The following GPC5 variants were observed in gnomAD, a reference collection of about 807,000 sequenced individuals.
GPC5 encodes glypican 5.
A neutral mutation model predicts 53.9 loss-of-function variants in GPC5; 47 were observed. The ratio of observed to expected loss-of-function variants is 0.87; its 90% CI spans 0.69 to 1.11. The LOEUF (loss-of-function observed/expected upper bound fraction) is 1.11, where lower values mean the gene tolerates loss of function less well. Among genes scored for constraint, GPC5 ranks in the 50% most tolerant of loss-of-function variants. GPC5 has a pLI of 0.00. For missense variants in GPC5, 748 were observed against 713.1 expected (o/e 1.05, Z -0.56); for synonymous variants, 286 against 263.3 (o/e 1.09, Z -0.84).
intron 7 of GPC5, among the ~76,000 whole-genome samples, chr13:92,413,027 A>T (rs1243691927): frequency 6.6e-6 from 1 of 152,230 alleles, no homozygotes; most frequent in Admixed American, 6.5e-5. Flanking sequence ...TAGAATTCCT[A>T]TGTGCCAAAT....
chr13:92,305,918 G>T (rs1349456792), intron 7 of GPC5, among the ~76,000 whole-genome samples: 1 of 152,298 alleles, frequency 6.6e-6, no homozygotes, highest in East Asian at 1.9e-4. Flanking sequence ...AGGTAACTAG[G>T]ATAGTAGATT....
At chr13:92,113,616 A>C (rs1342855850) in intron 6 of GPC5, among the ~76,000 whole-genome samples, 1 of 152,146 alleles carries the variant, frequency 6.6e-6, no homozygotes, top group Non-Finnish European at 1.5e-5. Flanking sequence ...AATTATTTTA[A>C]TGTGAAATGT....
At chr13:92,521,361 A>C (rs1342292105) in intron 7 of GPC5, among the ~76,000 whole-genome samples, 1 of 152,208 alleles carries the variant, frequency 6.6e-6, no homozygotes, top group Non-Finnish European at 1.5e-5. Flanking sequence ...GCATCATGCT[A>C]CCTGACTTCA....
intron 6 of GPC5, among the ~76,000 whole-genome samples, chr13:92,007,249 T>G (rs1170068805): frequency 1.3e-5 from 2 of 152,318 alleles, no homozygotes; most frequent in African/African-American, 4.8e-5. Context: ...AATAATCATT[T>G]GACATTGCAC....
At chr13:92,166,952 TCTCTCA>T (rs1173770484) in intron 7 of GPC5, among the ~76,000 whole-genome samples, 12,037 of 61,390 alleles carry the variant, frequency 0.2, 376 homozygotes, top group Middle Eastern at 0.26. Flanking sequence ...TCTCTCTCTC[TCTCTCA>T]CACACACACA....
chr13:92,189,587 G>A (rs542416896), intron 7 of GPC5, among the ~76,000 whole-genome samples: 9 of 151,506 alleles, frequency 5.9e-5, no homozygotes, highest in East Asian at 1.9e-4. Context: ...TTCCATACAC[G>A]TGCACACACA....
rs147866215 is a variant in GPC5, at chr13:91,742,797, A to C, written c.1155-13498A>C. Among the ~76,000 whole-genome samples, 4 of 152,298 alleles carry C rather than the reference A, an allele frequency of 2.6e-5. No homozygotes were observed. The East Asian group carries it at 7.7e-4, about 29-fold the overall frequency. On this transcript the variant is annotated intron_variant, in intron 4 of 7. Transcript: ENST00000377067. ...ACTCTTCAGGCTCCATTGGTGTTTCATAATGCTTACATCCTTAAGTTGCAT... is the reference window on the plus strand; with the variant it reads ...ACTCTTCAGGCTCCATTGGTGTTTCCTAATGCTTACATCCTTAAGTTGCAT...
chr13:92,233,018 C>T (rs1010309567), intron 7 of GPC5, among the ~76,000 whole-genome samples: 5 of 152,188 alleles, frequency 3.3e-5, no homozygotes, highest in Admixed American at 3.3e-4. Flanking sequence ...ATGTCGGCCA[C>T]TCTTTGTAGC....
chr13:92,332,718 A>G (rs968417180), intron 7 of GPC5, among the ~76,000 whole-genome samples: 9 of 152,326 alleles, frequency 5.9e-5, no homozygotes, highest in African/African-American at 2.2e-4. Flanking sequence ...ACAGAAAAAG[A>G]CTATTGTCCA....
At chr13:91,564,975 A>G (rs2031458340) in intron 2 of GPC5, among the ~76,000 whole-genome samples, 1 of 119,286 alleles carries the variant, frequency 8.4e-6, no homozygotes, top group Middle Eastern at 4.4e-3. Context: ...AAATATTTAT[A>G]TTTCTGTGGC....
intron 1 of GPC5, among the ~76,000 whole-genome samples, chr13:91,404,936 G>T (rs984163122): frequency 6.6e-6 from 1 of 152,124 alleles, no homozygotes; most frequent in Non-Finnish European, 1.5e-5. Context: ...GAAAAACATG[G>T]CTTTTCCAAT....
In GPC5 at chr13:92,145,231, G is replaced by A. The variant is rs139328960; in HGVS notation, c.1561+242G>A. Among the ~76,000 whole-genome samples the A allele has an allele frequency of 5.0e-3, 765 of 152,042 alleles. 10 individuals are homozygous for A. The highest frequency in any genetic ancestry group is 0.017 in the African/African-American group (688 of 41,446). On this transcript the variant is annotated intron_variant, in intron 7 of 7. Transcript: ENST00000377067. ...AAAAAAAACTAGTAAACAATCACCA[G>A]TTCTGAGAAGGTTTGAAAGTGGAAT...
chr13:92,055,426 G>T (rs1178744217), intron 6 of GPC5, among the ~76,000 whole-genome samples: 1 of 152,148 alleles, frequency 6.6e-6, no homozygotes, highest in Non-Finnish European at 1.5e-5. Flanking sequence ...ATTCAAAATT[G>T]CTAACAAAAT....
intron 7 of GPC5, among the ~76,000 whole-genome samples, chr13:92,500,925 G>T (rs1880159770): frequency 6.6e-6 from 1 of 152,050 alleles, no homozygotes; most frequent in Non-Finnish European, 1.5e-5. Flanking sequence ...TTACAGAGAG[G>T]GAGAGCTAAG....
At chr13:92,266,909 A>T (rs1264226197) in intron 7 of GPC5, among the ~76,000 whole-genome samples, 2 of 152,042 alleles carry the variant, frequency 1.3e-5, no homozygotes, top group Non-Finnish European at 2.9e-5. Flanking sequence ...TAAATAAAAA[A>T]CTTAATGACA....
chr13:92,397,444 A>G (rs775101389), intron 7 of GPC5, among the ~76,000 whole-genome samples: 16 of 152,288 alleles, frequency 1.1e-4, no homozygotes, highest in African/African-American at 2.4e-5. Flanking sequence ...GCCACATTGA[A>G]CTGTGAGTCC....
intron 3 of GPC5, among the ~76,000 whole-genome samples, chr13:91,727,192 G>A (rs986402816): frequency 2.6e-5 from 4 of 152,182 alleles, no homozygotes; most frequent in Non-Finnish European, 5.9e-5. Context: ...TAACATAGTA[G>A]GGTATAACAG....
chr13:92,677,109 C>T (rs766508380), intron 7 of GPC5, among the ~76,000 whole-genome samples: 1 of 152,076 alleles, frequency 6.6e-6, no homozygotes, highest in South Asian at 2.1e-4. Flanking sequence ...AATTGAAGTA[C>T]GAAAACCTTT....
At chr13:91,762,567 A>T (rs1407089070) in intron 5 of GPC5, among the ~76,000 whole-genome samples, 1 of 148,540 alleles carries the variant, frequency 6.7e-6, no homozygotes, top group South Asian at 2.2e-4. Flanking sequence ...TGACTTAAAC[A>T]CCAGTTTGTT....
Sources: allele counts gnomAD v4.1 joint callset (sites outside exome capture counted in the v4.1 genomes callset), GRCh38; gene constraint gnomAD v4.1.1; transcripts MANE v1.5; gene names NCBI Gene and HGNC (gene_info 2026-07-23, HGNC 2026-07-21).